The following GALNT18 variants were observed in gnomAD, a reference collection of about 807,000 sequenced individuals.
The protein encoded by GALNT18 is polypeptide N-acetylgalactosaminyltransferase 18.
In GALNT18, 44 loss-of-function variants were observed where a neutral mutation model predicts 69.5. The observed-to-expected ratio is 0.63, with a 90% CI of 0.50 to 0.81. The LOEUF is 0.81. GALNT18 is among the 40% of genes least tolerant of loss of function. The pLI is 0.00. For missense variants in GALNT18, 715 were observed against 810.0 expected (o/e 0.88, Z 1.42); for synonymous variants, 364 against 318.2 (o/e 1.14, Z -1.53).
At chr11:11,312,200 C>G (rs1236288206) in intron 9 of GALNT18, among the ~76,000 whole-genome samples, 1 of 152,026 alleles carries the variant, frequency 6.6e-6, no homozygotes, top group Non-Finnish European at 1.5e-5. Flanking sequence ...TCTGCCACCT[C>G]GGCCTCCCAA....
rs1859971682 is a variant in GALNT18, at chr11:11,613,739, G to C, written c.235+7620C>G. Among the ~76,000 whole-genome samples, 1 of 152,236 alleles carries C rather than the reference G, an allele frequency of 6.6e-6. No individual in the cohort carries two copies. Among genetic ancestry groups the C allele is most frequent in the African/African-American group, 2.4e-5 (1 of 41,468 alleles). On this transcript the variant is annotated intron_variant, in intron 1 of 10. Transcript: ENST00000227756. This position sits in a 1 kb window ranked among gnomAD's most constrained non-coding sequence, Gnocchi z 4.2. ...GCTCCACCCTTCAAGAGACATTCCA[G>C]GCCAGCATAAACAGCATGGTCCACC...
Position 11,413,822 on chromosome 11 carries a change from C to T in GALNT18, c.595+18799G>A, listed in dbSNP as rs940231476. Among the ~76,000 whole-genome samples, 5 of 152,212 alleles carry T rather than the reference C, an allele frequency of 3.3e-5. No individual in the cohort carries two copies. The highest frequency in any genetic ancestry group is 7.3e-5 in the Non-Finnish European group (5 of 68,042). ...AGGCTCAGCCTGTCCTGACCTCTTCCGAGAGCCTGGGTATCCGCTCTGTTC... is the reference window on the plus strand; with the variant it reads ...AGGCTCAGCCTGTCCTGACCTCTTCTGAGAGCCTGGGTATCCGCTCTGTTC... On this transcript the variant is annotated intron_variant, in intron 3 of 10. Coordinates refer to ENST00000227756, the MANE Select transcript of GALNT18 (RefSeq NM_198516.3). The surrounding 1 kb of genome is among the most constrained non-coding windows in gnomAD (Gnocchi z 4.7).
chr11:11,277,464 T>C (rs1246644692), intron 10 of GALNT18, among the ~76,000 whole-genome samples: 1 of 152,182 alleles, frequency 6.6e-6, no homozygotes, highest in African/African-American at 2.4e-5. Flanking sequence ...CCTGGATTCA[T>C]TGATTGTTTG....
At chr11:11,324,986 C>A (rs987049280) in intron 9 of GALNT18, among the ~76,000 whole-genome samples, 2 of 152,192 alleles carry the variant, frequency 1.3e-5, no homozygotes, top group African/African-American at 4.8e-5. Flanking sequence ...ACCATTTGAT[C>A]CAGCAATCCC....
chr11:11,437,954 C>T (rs12417872), intron 2 of GALNT18, among the ~76,000 whole-genome samples: 1 of 152,178 alleles, frequency 6.6e-6, no homozygotes. Context: ...AGGGGATCTT[C>T]CTGGTCCTGC....
chr11:11,388,045 T>C (rs1854095264), intron 3 of GALNT18, among the ~76,000 whole-genome samples: 1 of 152,230 alleles, frequency 6.6e-6, no homozygotes, highest in Admixed American at 6.5e-5. Flanking sequence ...AGATTTGGAA[T>C]GGCCTTAAAT....
intron 9 of GALNT18, among the ~76,000 whole-genome samples, chr11:11,307,855 G>A (rs773422605): frequency 2.0e-5 from 3 of 152,190 alleles, no homozygotes; most frequent in Non-Finnish European, 4.4e-5. Flanking sequence ...GGTCCTGGAC[G>A]GAATGTAGCA....
At chr11:11,408,153 G>A (rs1368309629) in intron 3 of GALNT18, among the ~76,000 whole-genome samples, 1 of 152,112 alleles carries the variant, frequency 6.6e-6, no homozygotes, top group Non-Finnish European at 1.5e-5. Context: ...ATCACTTGAG[G>A]TCAGGAGTTT....
rs936789817 is a variant in GALNT18 at position 11,497,070 on chromosome 11, T to C, written c.236-48134A>G. ...ATGGGCCTTCCTGCTTCCAGGCTCATTCCCACCTCAGGGCCTTTGCACCTG... is the reference window on the plus strand; with the variant it reads ...ATGGGCCTTCCTGCTTCCAGGCTCACTCCCACCTCAGGGCCTTTGCACCTG... On this transcript the variant is annotated intron_variant, in intron 1 of 10. Coordinates refer to ENST00000227756, the MANE Select transcript of GALNT18 (RefSeq NM_198516.3). This position sits in a 1 kb window ranked among gnomAD's most constrained non-coding sequence, Gnocchi z 4.2. 2.0e-5 allele frequency among the ~76,000 whole-genome samples: 3 copies of C among 152,136 alleles called. No individual in the cohort carries two copies. The highest frequency in any genetic ancestry group is 7.2e-5 in the African/African-American group (3 of 41,426).
chr11:11,504,602 C>CA (rs568544866), intron 1 of GALNT18, among the ~76,000 whole-genome samples: 8 of 151,900 alleles, frequency 5.3e-5, no homozygotes, highest in Admixed American at 2.0e-4. Context: ...ATAAAAAATA[C>CA]AAAAAATTAG....
chr11:11,324,137 C>A (rs568537244), intron 9 of GALNT18, among the ~76,000 whole-genome samples: 3 of 152,328 alleles, frequency 2.0e-5, no homozygotes, highest in African/African-American at 4.8e-5. Context: ...AATAGGCCAG[C>A]ACTCTGATCT....
Position 11,491,868 on chromosome 11 carries a change from C to T in GALNT18, c.236-42932G>A, listed in dbSNP as rs1856777545. Among the ~76,000 whole-genome samples, 4 of 152,164 alleles carry T rather than the reference C, an allele frequency of 2.6e-5. No individual in the cohort carries two copies. The South Asian group carries it at 8.3e-4, about 32-fold the overall frequency. ...CCAGAAGCAAGACAATCTCACTTGGCATCCACAGCCAAGCAGAGCCCAAGG... is the reference window on the plus strand; with the variant it reads ...CCAGAAGCAAGACAATCTCACTTGGTATCCACAGCCAAGCAGAGCCCAAGG... On this transcript the variant is annotated intron_variant, in intron 1 of 10. Transcript: ENST00000227756.
chr11:11,331,290 C>A (rs1326562428), intron 8 of GALNT18, among the ~76,000 whole-genome samples: 3 of 152,120 alleles, frequency 2.0e-5, no homozygotes, highest in Admixed American at 2.0e-4. Flanking sequence ...ATATGTCAAC[C>A]ATGCCATGGG....
In GALNT18 at chr11:11,538,610, A is replaced by G. The variant is rs1304928872; in HGVS notation, c.235+82749T>C. ...CTCAGGGGCCTCGTCAGCAGCTCCT[A>G]TCTGGGGATGAAGCACAGGCTGACC... On this transcript the variant is annotated intron_variant, in intron 1 of 10. Transcript: ENST00000227756. This position sits in a 1 kb window ranked among gnomAD's most constrained non-coding sequence, Gnocchi z 5.2. Among the ~76,000 whole-genome samples the G allele has an allele frequency of 1.3e-5, 2 of 152,156 alleles. No homozygotes were observed. The highest frequency in any genetic ancestry group is 1.5e-5 in the Non-Finnish European group (1 of 68,020).
chr11:11,421,730 TTCTCTGCAGAG>T lies in GALNT18; in HGVS notation c.595+10880_595+10890del, dbSNP rs551645891. On this transcript the variant is annotated intron_variant, in intron 3 of 10. Transcript: ENST00000227756. This position sits in a 1 kb window ranked among gnomAD's most constrained non-coding sequence, Gnocchi z 5.6. ...GCCACCCACTGGGAAGAAACAATAC[TTCTCTGCAGAG>T]TCTCTGCAGAGTCTCTGCAGAGGTC... Among the ~76,000 whole-genome samples the T allele has an allele frequency of 2.2e-3, 338 of 151,240 alleles. 4 individuals carry two copies. Among genetic ancestry groups the T allele is most frequent in the African/African-American group, 7.1e-3 (290 of 40,604 alleles).
Position 11,442,765 on chromosome 11 carries a change from C to T in GALNT18, c.428+5979G>A, listed in dbSNP as rs1590005859. ...GCAGAACATATTCTGACCACCTTTG[C>T]CAACGCCTCCTGTCCTAGCCCCACG... On this transcript the variant is annotated intron_variant, in intron 2 of 10. Transcript: ENST00000227756. Among the ~76,000 whole-genome samples the T allele has an allele frequency of 2.6e-5, 4 of 152,334 alleles. No homozygotes were observed. The South Asian group carries it at 6.2e-4, about 24-fold the overall frequency.
intron 10 of GALNT18, among the ~76,000 whole-genome samples, chr11:11,271,624 A>AG: frequency 1.3e-5 from 2 of 152,328 alleles, no homozygotes; most frequent in Admixed American, 1.3e-4. Flanking sequence ...CCTTTCTCTG[A>AG]AAAGCCTAGT....
In GALNT18 at chr11:11,480,720, G is replaced by C. The variant is rs1856507521; in HGVS notation, c.236-31784C>G. 2.0e-5 allele frequency among the ~76,000 whole-genome samples: 3 copies of C among 152,168 alleles called. No individual in the cohort carries two copies. The highest frequency in any genetic ancestry group is 1.3e-4 in the Admixed American group (2 of 15,282). On this transcript the variant is annotated intron_variant, in intron 1 of 10. Coordinates refer to ENST00000227756, the MANE Select transcript of GALNT18 (RefSeq NM_198516.3). This position sits in a 1 kb window ranked among gnomAD's most constrained non-coding sequence, Gnocchi z 4.6. ...GAGTCTTCCCTGACTCTCCAGATGA[G>C]TCCCTTCATCCCTGTATCAGCACTT...
chr11:11,570,040 T>A (rs1469289878), intron 1 of GALNT18: 2 of 152,110 alleles, frequency 1.3e-5, no homozygotes, highest in African/African-American at 2.4e-5. Flanking sequence ...CTGTTTCCTC[T>A]GCAAGCAGAG....
Sources: allele counts gnomAD v4.1 joint callset (sites outside exome capture counted in the v4.1 genomes callset), GRCh38; gene constraint gnomAD v4.1.1; non-coding constraint Gnocchi (gnomAD v3.1); transcripts MANE v1.5; gene names NCBI Gene and HGNC (gene_info 2026-07-23, HGNC 2026-07-21).